The following ARHGAP10 variants were observed in gnomAD, a reference collection of about 807,000 sequenced individuals.
ARHGAP10 encodes rho GTPase-activating protein 10.
In ARHGAP10, 87 loss-of-function variants were observed where a neutral mutation model predicts 108.6. That is an observed-to-expected ratio of 0.80 (90% CI 0.67 to 0.96). The LOEUF (loss-of-function observed/expected upper bound fraction) is 0.96, where lower values mean the gene tolerates loss of function less well. Ranked by LOEUF, ARHGAP10 falls within the 40% of genes least tolerant of loss-of-function variation. The pLI is 0.00. For missense variants in ARHGAP10, 939 were observed against 954.5 expected, an observed-to-expected ratio of 0.98 and a Z score of 0.21; for synonymous variants, 347 against 341.1, an observed-to-expected ratio of 1.02 and a Z score of -0.19.
chr4:147,961,765 A>C (rs1210578077), intron 16 of ARHGAP10, among the ~76,000 whole-genome samples: 1 of 152,056 alleles, frequency 6.6e-6, no homozygotes, highest in Non-Finnish European at 1.5e-5. Flanking sequence ...CCTTAATCCC[A>C]GTGTTTCCAT....
intron 13 of ARHGAP10, among the ~76,000 whole-genome samples, chr4:147,920,503 C>T (rs1224317128): frequency 6.6e-6 from 1 of 152,040 alleles, no homozygotes; most frequent in African/African-American, 2.4e-5. Flanking sequence ...CTTTTTGTTC[C>T]CTCAATAGCA....
rs10004457 is a variant in ARHGAP10 at position 147,751,805 on chromosome 4, G to C, written c.154+19350G>C. Among the ~76,000 whole-genome samples the C allele has an allele frequency of 9.2e-3, 1,392 of 151,906 alleles. 14 individuals are homozygous for C. The highest frequency in any genetic ancestry group is 0.032 in the African/African-American group (1,325 of 41,416). On this transcript the variant is annotated intron_variant, in intron 1 of 22. Transcript: ENST00000336498. ...TTTGCAATTTAAGAACGTGGGTTTA[G>C]AGAGGTTGACATTTGCCCGAGGGTA...
intron 20 of ARHGAP10, among the ~76,000 whole-genome samples, chr4:148,050,355 T>C (rs1284110801): frequency 6.8e-6 from 1 of 146,958 alleles, no homozygotes; most frequent in Non-Finnish European, 1.5e-5. Context: ...GGTTTCTTAC[T>C]CATCATCATC....
At chr4:147,836,835 C>CT (rs879257276) in intron 3 of ARHGAP10, among the ~76,000 whole-genome samples, 83 of 144,062 alleles carry the variant, frequency 5.8e-4, no homozygotes, top group Admixed American at 1.1e-3. Context: ...TATGATGTGC[C>CT]TTTTTTTTTT....
At chr4:147,884,418 CT>C (rs1735458841) in intron 10 of ARHGAP10, among the ~76,000 whole-genome samples, 1 of 152,150 alleles carries the variant, frequency 6.6e-6, no homozygotes, top group East Asian at 1.9e-4. Flanking sequence ...GGGAGACTCT[CT>C]TTTCAAATAA....
chr4:147,848,005 A>G (rs2126818905), intron 4 of ARHGAP10, among the ~76,000 whole-genome samples: 1 of 152,290 alleles, frequency 6.6e-6, no homozygotes, highest in East Asian at 1.9e-4. Context: ...GCTTGGCCCA[A>G]GGAGAGGGGA....
chr4:148,022,060 TGTAA>T (rs1443383726), intron 18 of ARHGAP10, among the ~76,000 whole-genome samples: 1 of 152,232 alleles, frequency 6.6e-6, no homozygotes, highest in African/African-American at 2.4e-5. Context: ...AATACACATA[TGTAA>T]GTGATATACC....
intron 10 of ARHGAP10, 65 bp from the exon 11 acceptor site, chr4:147,906,573 A>T (rs1736503809): frequency 6.5e-7 from 1 of 1,536,938 alleles, no homozygotes. Flanking sequence ...CAACAGTTAA[A>T]TCTTAGGAAA....
At chr4:148,045,518 G>C (rs889909456) in intron 19 of ARHGAP10, among the ~76,000 whole-genome samples, 2 of 151,804 alleles carry the variant, frequency 1.3e-5, no homozygotes, top group Admixed American at 6.6e-5. Flanking sequence ...GAGGCAGGCG[G>C]ATCACCTGAG....
intron 18 of ARHGAP10, among the ~76,000 whole-genome samples, chr4:147,968,169 T>C (rs1260194741): frequency 2.6e-5 from 4 of 152,240 alleles, no homozygotes; most frequent in South Asian, 4.2e-4. Flanking sequence ...AGATAATCTA[T>C]GGGGGAACAT....
chr4:147,937,161 G>T (rs1187915620), intron 13 of ARHGAP10, among the ~76,000 whole-genome samples: 1 of 152,134 alleles, frequency 6.6e-6, no homozygotes, highest in Non-Finnish European at 1.5e-5. Flanking sequence ...ATAAACAATA[G>T]AAATCAATTT....
chr4:148,063,641 C>T (rs1323464648), intron 21 of ARHGAP10, among the ~76,000 whole-genome samples: 1 of 152,192 alleles, frequency 6.6e-6, no homozygotes, highest in Non-Finnish European at 1.5e-5. Context: ...GGCAAGCTGG[C>T]ACTGGAAACA....
Position 147,821,840 on chromosome 4 carries a change from C to T in ARHGAP10, c.155-887C>T, listed in dbSNP as rs188589299. Among the ~76,000 whole-genome samples, 164 of 152,328 alleles carry T rather than the reference C, an allele frequency of 1.1e-3. 2 individuals carry two copies. The highest frequency in any genetic ancestry group is 5.0e-4 in the Non-Finnish European group (34 of 68,036). On this transcript the variant is annotated intron_variant, in intron 1 of 22. Coordinates refer to ENST00000336498, the MANE Select transcript of ARHGAP10 (RefSeq NM_024605.4). ...CTTAGAAAGTGCTTTAAACCAGAGG[C>T]AGGATTGTATACTGCTCAGGCCATG...
chr4:147,935,553 A>T (rs1737892558), intron 13 of ARHGAP10, among the ~76,000 whole-genome samples: 1 of 152,206 alleles, frequency 6.6e-6, no homozygotes, highest in Admixed American at 6.5e-5. Flanking sequence ...GTTGATCAGA[A>T]ATAGTGATCC....
At chr4:147,783,717 T>C (rs939726699) in intron 1 of ARHGAP10, among the ~76,000 whole-genome samples, 28 of 146,684 alleles carry the variant, frequency 1.9e-4, no homozygotes, top group Admixed American at 1.2e-3. Context: ...GTATAATTTA[T>C]AGAACACATT....
At chr4:147,854,588 C>T (rs1734014793) in intron 4 of ARHGAP10, 2 of 461,612 alleles carry the variant, frequency 4.3e-6, no homozygotes, top group Non-Finnish European at 5.7e-6. Context: ...ATATTTTTTT[C>T]TGTAATGCAG....
chr4:147,926,758 A>G lies in ARHGAP10; in HGVS notation c.1229-13067A>G, dbSNP rs1036272919. ...AGGGATAGGAGGCGAAGGAAGAAGG[A>G]TGGTTGTAAGGGAATCCATAAGAGG... On this transcript the variant is annotated intron_variant, in intron 13 of 22. Transcript: ENST00000336498. 3.3e-5 allele frequency among the ~76,000 whole-genome samples: 5 copies of G among 152,250 alleles called. No individual in the cohort carries two copies. The East Asian group carries it at 7.7e-4, about 23-fold the overall frequency.
At chr4:147,843,487 G>A (rs975495336) in intron 3 of ARHGAP10, among the ~76,000 whole-genome samples, 8 of 151,972 alleles carry the variant, frequency 5.3e-5, no homozygotes, top group Non-Finnish European at 8.8e-5. Flanking sequence ...TCTTTAAAAC[G>A]TCTCTGCAGC....
At chr4:148,035,159 G>T (rs1728318122) in intron 19 of ARHGAP10, among the ~76,000 whole-genome samples, 1 of 152,136 alleles carries the variant, frequency 6.6e-6, no homozygotes, top group African/African-American at 2.4e-5. Flanking sequence ...TTTAACAGCT[G>T]ATTCTCTCAT....
Sources: gnomAD v4.1 joint callset for allele counts (sites outside exome capture counted in the v4.1 genomes callset) on GRCh38, gnomAD v4.1.1 for gene constraint, MANE v1.5 for transcripts, NCBI Gene and HGNC (gene_info 2026-07-23, HGNC 2026-07-21) for gene names.